Variants in CACHD1 observed in about 807,000 individuals in gnomAD.
CACHD1 encodes the protein cache domain containing 1, also known as VWFA and cache domain-containing protein 1.
CACHD1 carries 71 observed loss-of-function variants against 138.7 expected under a neutral mutation model. The observed-to-expected ratio is 0.51, with a 90% CI of 0.42 to 0.62. The LOEUF (loss-of-function observed/expected upper bound fraction) is 0.62, where lower values mean the gene tolerates loss of function less well. Ranked by LOEUF, CACHD1 falls within the 20% of genes least tolerant of loss-of-function variation. The pLI is 0.00. For missense variants in CACHD1, 1,389 were observed against 1,625.3 expected, an observed-to-expected ratio of 0.85 and a Z score of 2.50; for synonymous variants, 578 against 591.5, an observed-to-expected ratio of 0.98 and a Z score of 0.33.
At chr1:64,678,428 T>C (rs1650066183) in intron 23 of CACHD1, 118 bp downstream of exon 23, 37 of 1,085,008 alleles carry the variant, frequency 3.4e-5, no homozygotes, top group Non-Finnish European at 4.7e-5. Flanking sequence ...GCTGGTAGTC[T>C]TTAGTTACAA....
At chr1:64,525,364 GA>G (rs1646530128) in intron 1 of CACHD1, among the ~76,000 whole-genome samples, 2 of 152,106 alleles carry the variant, frequency 1.3e-5, no homozygotes, top group African/African-American at 4.8e-5. Context: ...ATGTCAACTT[GA>G]TATTTACCCG....
In CACHD1 at chr1:64,470,471, C is replaced by G. The variant is rs1570283731; in HGVS notation, c.-274C>G. ...CTGCTCTCGGAGACGCCCTCTGCGC[C>G]GCGGGGCCCGTGTGGGCGCCGGGCT... On this transcript the variant is annotated 5_prime_UTR_variant, in exon 1 of 27. Transcript: ENST00000651257. The surrounding 1 kb of genome is among the most constrained non-coding windows in gnomAD (Gnocchi z 5.2). Among the ~76,000 whole-genome samples the G allele has an allele frequency of 2.6e-5, 4 of 151,496 alleles. No homozygotes were observed. The Middle Eastern group carries it at 0.014, about 519-fold the overall frequency.
chr1:64,554,649 G>T (rs1211375185), intron 2 of CACHD1, among the ~76,000 whole-genome samples: 1 of 152,140 alleles, frequency 6.6e-6, no homozygotes, highest in Non-Finnish European at 1.5e-5. Context: ...GTAAATTTTT[G>T]TGGTTTTGTT....
chr1:64,602,961 C>A, intron 4 of CACHD1, 49 bp downstream of exon 4: 2 of 1,164,376 alleles, frequency 1.7e-6, no homozygotes, highest in South Asian at 2.5e-5. Context: ...CTACTGCATT[C>A]AAGTTGAATA....
chr1:64,681,541 GTTTTTTTTTTT>G lies in CACHD1; in HGVS notation c.3484+219_3484+229del, dbSNP rs57993424. ...AGAGAATCTCAAAAGATTTTATTGT[GTTTTTTTTTTT>G]TTTTTTTTTTTTGCATTAAGTGTGT... On this transcript the variant is annotated intron_variant, in intron 25 of 26. Coordinates refer to ENST00000651257, the MANE Select transcript of CACHD1 (RefSeq NM_020925.4). Among the ~76,000 whole-genome samples, 502 of 68,160 alleles carry G rather than the reference GTTTTTTTTTTT, an allele frequency of 7.4e-3. 3 individuals are homozygous for G. Among genetic ancestry groups the G allele is most frequent in the Middle Eastern group, 0.021 (2 of 94 alleles). The allele number at this position is 68,160 out of a possible 152,430, so 44.7% of individuals were successfully genotyped here.
intron 1 of CACHD1, among the ~76,000 whole-genome samples, chr1:64,482,009 G>T (rs1440050968): frequency 6.6e-6 from 1 of 152,062 alleles, no homozygotes; most frequent in Non-Finnish European, 1.5e-5. Flanking sequence ...ACCATTAAAA[G>T]ATATTTGAAG....
At chr1:64,587,725 A>G (rs1051027873) in intron 3 of CACHD1, among the ~76,000 whole-genome samples, 5 of 152,216 alleles carry the variant, frequency 3.3e-5, no homozygotes, top group African/African-American at 1.2e-4. Context: ...ATTTATTTAT[A>G]TAATTTAATT....
At chr1:64,588,182 T>C (rs1002147680) in intron 3 of CACHD1, among the ~76,000 whole-genome samples, 4 of 152,230 alleles carry the variant, frequency 2.6e-5, no homozygotes, top group Admixed American at 1.3e-4. Flanking sequence ...ACGATATTAA[T>C]AGATTTGACT....
rs61731118 is a variant in CACHD1, at chr1:64,550,619, C to G, written c.224C>G (p.Thr75Ser). 8.9e-3 allele frequency: 14,282 copies of G among 1,610,906 alleles called. 79 individuals carry two copies. The highest frequency in any genetic ancestry group is 0.011 in the Non-Finnish European group (12,713 of 1,177,212). The change falls in exon 2 of 27, where the codon ACT becomes AGT. Residue 75 changes from threonine (T) to serine (S), a missense_variant. By Grantham distance (58) the Thr-to-Ser change is moderately conservative. Around this residue, in one of 5 missense-constraint regions of CACHD1, gnomAD observed 1,000 missense variants for 1,114.7 expected, o/e 0.90. Transcript: ENST00000651257. ...CGGATATTCAACTCCTTTGTTTACACTGAGAAAATCTCAAATGGAGAAAGT... is the reference window on the plus strand; with the variant it reads ...CGGATATTCAACTCCTTTGTTTACAGTGAGAAAATCTCAAATGGAGAAAGT... ...MQRIFNSFVY[T>S]EKISNGESEV... is the part of the protein sequence containing the mutation.
chr1:64,673,373 T>C lies in CACHD1; in HGVS notation c.2636T>C (p.Leu879Pro). The C allele has an allele frequency of 6.2e-7, 1 of 1,614,152 alleles. No individual in the cohort carries two copies. Among genetic ancestry groups the C allele is most frequent in the Non-Finnish European group, 8.5e-7 (1 of 1,180,000 alleles). Residue 879 changes from leucine (L) to proline (P), a missense_variant, in exon 19 of 27, where the codon CTC (leucine) becomes CCC (proline). Physicochemically the swap from Leu to Pro is moderately conservative, Grantham distance 98. This residue lies in a region of CACHD1 where 1,000 missense variants were observed against 1,114.7 expected (regional missense o/e 0.90). Transcript: ENST00000651257. ...GAGCCCCTGGTAGCAAATGATATCC[T>C]CAACCACCCCAACTTTGTAAAGAAA... ...HKEPLVANDI[L>P]NHPNFVKKNL... is the part of the protein sequence containing the mutation.
intron 1 of CACHD1, among the ~76,000 whole-genome samples, chr1:64,547,836 C>T (rs1160623203): frequency 6.6e-6 from 1 of 152,152 alleles, no homozygotes; most frequent in African/African-American, 2.4e-5. Flanking sequence ...AAATGTTTTG[C>T]TTTGGTGATA....
intron 1 of CACHD1, among the ~76,000 whole-genome samples, chr1:64,488,259 T>A (rs1646254807): frequency 6.6e-6 from 1 of 152,210 alleles, no homozygotes; most frequent in Non-Finnish European, 1.5e-5. Flanking sequence ...ACAGAGAATC[T>A]CATTATGACA....
chr1:64,545,300 G>A (rs1024633435), intron 1 of CACHD1, among the ~76,000 whole-genome samples: 9 of 152,104 alleles, frequency 5.9e-5, no homozygotes, highest in Non-Finnish European at 1.2e-4. Flanking sequence ...GAACACATCC[G>A]GTAACCAGCA....
At chr1:64,484,332 T>G (rs1646228935) in intron 1 of CACHD1, among the ~76,000 whole-genome samples, 1 of 151,830 alleles carries the variant, frequency 6.6e-6, no homozygotes, top group Non-Finnish European at 1.5e-5. Context: ...GGGTCTAGCA[T>G]TCCAACAGAA....
intron 2 of CACHD1, among the ~76,000 whole-genome samples, chr1:64,556,858 C>A (rs565091179): frequency 6.6e-6 from 1 of 152,276 alleles, no homozygotes; most frequent in East Asian, 1.9e-4. Flanking sequence ...TCATAGACTT[C>A]ATTTTTTAAT....
intron 1 of CACHD1, among the ~76,000 whole-genome samples, chr1:64,513,860 C>A (rs1646439827): frequency 6.6e-6 from 1 of 152,114 alleles, no homozygotes; most frequent in African/African-American, 2.4e-5. Flanking sequence ...GTTGGAAATC[C>A]AGATTTTTAT....
Position 64,554,157 on chromosome 1 carries a change from G to A in CACHD1, c.261+3501G>A, listed in dbSNP as rs138534252. On this transcript the variant is annotated intron_variant, in intron 2 of 26. Coordinates refer to ENST00000651257, the MANE Select transcript of CACHD1 (RefSeq NM_020925.4). ...AGCAATCCTCCTGCCTCAGCCTCCC[G>A]AGTAGTTGGGACTACATGTACACCA... 8.8e-3 allele frequency among the ~76,000 whole-genome samples: 1,346 copies of A among 152,162 alleles called. 6 individuals carry two copies. Among genetic ancestry groups the A allele is most frequent in the Non-Finnish European group, 0.013 (902 of 67,984 alleles).
chr1:64,581,927 A>T (rs1334213948), intron 2 of CACHD1, among the ~76,000 whole-genome samples: 1 of 152,206 alleles, frequency 6.6e-6, no homozygotes, highest in African/African-American at 2.4e-5. Context: ...GTCATCTGTT[A>T]CAAGAAGATA....
At chr1:64,634,336 C>T (rs1648429633) in intron 7 of CACHD1, 76 bp downstream of exon 7, 9 of 897,508 alleles carry the variant, frequency 1.0e-5, no homozygotes, top group Non-Finnish European at 1.6e-5. Flanking sequence ...AAATTGATCA[C>T]ACAATGATGT....
Sources: gnomAD v4.1 joint callset for allele counts (sites outside exome capture counted in the v4.1 genomes callset) on GRCh38, gnomAD v4.1.1 for gene constraint, gnomAD v4.1.1 regional missense constraint, Gnocchi (gnomAD v3.1) non-coding constraint, MANE v1.5 for transcripts, NCBI Gene and HGNC (gene_info 2026-07-23, HGNC 2026-07-21) for gene names.